Variants in AP2B1 observed in about 807,000 individuals in gnomAD.
The protein encoded by AP2B1 is AP-2 complex subunit beta.
Under a neutral mutation model 102.0 loss-of-function variants are expected in AP2B1, and 23 were observed. The ratio of observed to expected loss-of-function variants is 0.23; its 90% CI spans 0.16 to 0.32. AP2B1 has a LOEUF of 0.32. Among genes scored for constraint, AP2B1 ranks in the 10% least tolerant of loss-of-function variants. The probability of loss-of-function intolerance (pLI) is 1.00; values close to 1 mark genes in which losing one functional copy is unlikely to be tolerated. For missense variants in AP2B1, 541 were observed against 1,157.4 expected (o/e 0.47, Z 7.73); for synonymous variants, 381 against 421.2 (o/e 0.90, Z 1.17).
chr17:35,627,120 A>G (rs2074335753), intron 7 of AP2B1, among the ~76,000 whole-genome samples: 1 of 151,864 alleles, frequency 6.6e-6, no homozygotes, highest in Admixed American at 6.6e-5. Flanking sequence ...TTCAGGCTGT[A>G]GTTTAGAGCC....
Position 35,636,354 on chromosome 17 carries a change from G to A in AP2B1, c.1169G>A (p.Arg390His), listed in dbSNP as rs1374169851. The change falls in exon 10 of 22, where the codon CGC becomes CAC. Residue 390 changes from arginine to histidine, a missense_variant. This residue lies in a region of AP2B1 where 106 missense variants were observed against 296.4 expected (regional missense o/e 0.36). Transcript: ENST00000610402. ...TTTTCTTCCCAGCAATCTGCAGAGC[G>A]CTGTGTAAGCACATTGCTTGATCTA... ...CAIKVEQSAE[R>H]CVSTLLDLIQ... 1.2e-6 allele frequency: 2 copies of A among 1,612,888 alleles called. No individual in the cohort carries two copies. Among genetic ancestry groups the A allele is most frequent in the Non-Finnish European group, 8.5e-7 (1 of 1,179,232 alleles).
chr17:35,710,123 TAGCTGTATTG>T, intron 19 of AP2B1, 101 bp from the exon 20 acceptor site: 1 of 752,776 alleles, frequency 1.3e-6, no homozygotes. Flanking sequence ...AGCCTGCTGC[TAGCTGTATTG>T]CAAGAGCCAG....
chr17:35,718,601 T>A (rs75734235), intron 21 of AP2B1, among the ~76,000 whole-genome samples: 1,565 of 152,084 alleles, frequency 0.01, 25 homozygotes, highest in African/African-American at 0.036. Flanking sequence ...TAATCCCAGC[T>A]ACTGGAGAGG....
intron 21 of AP2B1, among the ~76,000 whole-genome samples, chr17:35,720,220 T>C (rs1598369845): frequency 6.6e-6 from 1 of 152,132 alleles, no homozygotes; most frequent in East Asian, 1.9e-4. Context: ...ATGCAGATTC[T>C]CTGGTCATTG....
chr17:35,706,995 C>G (rs917787051), intron 18 of AP2B1, among the ~76,000 whole-genome samples: 9 of 151,962 alleles, frequency 5.9e-5, no homozygotes, highest in Non-Finnish European at 1.2e-4. Context: ...CTAGCGCTGT[C>G]TCAAGATCTT....
At chr17:35,696,639 T>C (rs1388407938) in intron 18 of AP2B1, among the ~76,000 whole-genome samples, 1 of 152,090 alleles carries the variant, frequency 6.6e-6, no homozygotes, top group Non-Finnish European at 1.5e-5. Flanking sequence ...TCTGCCCACC[T>C]CAGCTTTCCA....
Position 35,723,860 on chromosome 17 carries a change from G to C in AP2B1, c.*161G>C, listed in dbSNP as rs1310664746. The C allele has an allele frequency of 3.7e-6, 2 of 539,368 alleles. No individual in the cohort carries two copies. The highest frequency in any genetic ancestry group is 6.7e-6 in the Non-Finnish European group (2 of 297,194). The allele number at this position is 539,368 out of a possible 1,614,324, so 33.4% of individuals were successfully genotyped here. ...TGCTAACATTAGGGCACAACCTGTT[G>C]GATAGTTTTAGCTTCCTGTGAACAT... On this transcript the variant is annotated 3_prime_UTR_variant, in exon 22 of 22. Coordinates refer to ENST00000610402, the MANE Select transcript of AP2B1 (RefSeq NM_001030006.2).
intron 1 of AP2B1, among the ~76,000 whole-genome samples, chr17:35,588,102 A>G (rs1465498660): frequency 6.7e-6 from 1 of 150,288 alleles, no homozygotes; most frequent in African/African-American, 2.5e-5. Context: ...CTCTGCAGTA[A>G]TGGTCTGGTT....
chr17:35,646,982 A>G (rs1022858277), intron 12 of AP2B1, among the ~76,000 whole-genome samples: 1 of 152,186 alleles, frequency 6.6e-6, no homozygotes, highest in Non-Finnish European at 1.5e-5. Flanking sequence ...TTGAAGAAAA[A>G]GCATTTTATT....
chr17:35,635,091 G>A (rs1323755023), intron 9 of AP2B1, among the ~76,000 whole-genome samples: 4 of 152,180 alleles, frequency 2.6e-5, no homozygotes, highest in Middle Eastern at 3.4e-3. Context: ...TCGCTCTGTC[G>A]GCCAGGCTGT....
intron 18 of AP2B1, among the ~76,000 whole-genome samples, chr17:35,692,689 A>G (rs1163883622): frequency 6.6e-6 from 1 of 152,198 alleles, no homozygotes; most frequent in Non-Finnish European, 1.5e-5. Flanking sequence ...ATACTTTTTA[A>G]TGAAGGGGTT....
intron 1 of AP2B1, among the ~76,000 whole-genome samples, chr17:35,588,446 T>C (rs897992469): frequency 4.6e-5 from 7 of 152,180 alleles, no homozygotes; most frequent in African/African-American, 1.7e-4. Context: ...CCAGCCAAAC[T>C]TGACTTTTGA....
At chr17:35,617,799 T>A (rs1301362920) in intron 5 of AP2B1, among the ~76,000 whole-genome samples, 1 of 152,224 alleles carries the variant, frequency 6.6e-6, no homozygotes, top group Non-Finnish European at 1.5e-5. Flanking sequence ...GTGTTTTATT[T>A]TGTTCAAGTT....
chr17:35,612,878 GCGCACA>G (rs911289751), intron 5 of AP2B1, among the ~76,000 whole-genome samples: 3 of 79,796 alleles, frequency 3.8e-5, no homozygotes, highest in South Asian at 3.8e-4. Context: ...ATGTGTATGT[GCGCACA>G]CACACACACA....
chr17:35,693,899 G>A (rs931939200), intron 18 of AP2B1, among the ~76,000 whole-genome samples: 1 of 152,178 alleles, frequency 6.6e-6, no homozygotes, highest in Non-Finnish European at 1.5e-5. Context: ...TGACAGTCAC[G>A]TGTCCTCCTT....
At chr17:35,624,030 C>G (rs1338322757) in intron 5 of AP2B1, among the ~76,000 whole-genome samples, 1 of 152,136 alleles carries the variant, frequency 6.6e-6, no homozygotes, top group African/African-American at 2.4e-5. Context: ...AGATTTTTCT[C>G]TCTGTTGCCT....
At position 35,717,256 on chromosome 17, in the gene AP2B1, A is replaced by G. The variant is rs2076567746; in HGVS notation, c.2688A>G (p.Glu896=). ...NVYTIAKRNV[E]GQDMLYQSLK... is the part of the protein sequence containing the mutation. Reference sequence around the variant, plus strand: ...ATACTATTGCCAAGAGGAATGTGGAAGGGCAGGACATGCTGTACCAATCCC... The same window carrying G: ...ATACTATTGCCAAGAGGAATGTGGAGGGGCAGGACATGCTGTACCAATCCC... The change falls in exon 21 of 22, where the codon GAA becomes GAG. Residue 896 remains glutamate (E), a synonymous_variant. Coordinates refer to ENST00000610402, the MANE Select transcript of AP2B1 (RefSeq NM_001030006.2). The G allele has an allele frequency of 1.9e-6, 3 of 1,614,060 alleles. No individual in the cohort carries two copies. The highest frequency in any genetic ancestry group is 2.5e-6 in the Non-Finnish European group (3 of 1,180,008).
At chr17:35,590,408 A>G (rs79468963) in intron 1 of AP2B1, among the ~76,000 whole-genome samples, 11,099 of 152,238 alleles carry the variant, frequency 0.073, 464 homozygotes, top group Middle Eastern at 0.11. Context: ...AAAATTAACC[A>G]GGTTAAGGCA....
chr17:35,650,085 G>T (rs2075049151), intron 12 of AP2B1, among the ~76,000 whole-genome samples: 1 of 152,098 alleles, frequency 6.6e-6, no homozygotes. Context: ...GAGTAGCTGG[G>T]ATTACAGGCA....
Sources: allele counts gnomAD v4.1 joint callset (sites outside exome capture counted in the v4.1 genomes callset), GRCh38; gene constraint gnomAD v4.1.1; regional missense constraint gnomAD v4.1.1; transcripts MANE v1.5; gene names NCBI Gene and HGNC (gene_info 2026-07-23, HGNC 2026-07-21).